EIF3A: variants seen among roughly 807,000 people sequenced by gnomAD.
EIF3A encodes the protein eukaryotic translation initiation factor 3 subunit A, also known as EIF3, p180 subunit.
A neutral mutation model predicts 186.6 loss-of-function variants in EIF3A; 21 were observed. That is an observed-to-expected ratio of 0.11 (90% CI 0.08 to 0.16). The LOEUF (loss-of-function observed/expected upper bound fraction) is 0.16, where lower values mean the gene tolerates loss of function less well. Ranked by LOEUF, EIF3A falls within the 10% of genes least tolerant of loss-of-function variation. The probability of loss-of-function intolerance (pLI) is 1.00; values close to 1 mark genes in which losing one functional copy is unlikely to be tolerated. For synonymous variants in EIF3A, 563 were observed against 584.3 expected, an observed-to-expected ratio of 0.96 and a Z score of 0.52; for missense variants, 1,306 against 1,796.3, an observed-to-expected ratio of 0.73 and a Z score of 4.93.
At chr10:119,038,470 A>C in intron 19 of EIF3A, 31 bp from the exon 20 acceptor site, 2 of 1,548,200 alleles carry the variant, frequency 1.3e-6, no homozygotes, top group South Asian at 1.2e-5. Flanking sequence ...AACATTTTTA[A>C]AATATTTTTA....
At chr10:119,038,137 G>C (rs940505661) in intron 20 of EIF3A, 101 bp downstream of exon 20, 1 of 1,027,284 alleles carries the variant, frequency 9.7e-7, no homozygotes, top group African/African-American at 1.6e-5. Flanking sequence ...GGCTGCTCTC[G>C]AACTCCTGAA....
At chr10:119,075,485 G>A (rs1341335163) in intron 1 of EIF3A, among the ~76,000 whole-genome samples, 2 of 150,974 alleles carry the variant, frequency 1.3e-5, no homozygotes, top group South Asian at 2.1e-4. Context: ...GGGGGAGAAA[G>A]AGGTTATTTA....
chr10:119,060,030 G>A lies in EIF3A; in HGVS notation c.1327-312C>T, dbSNP rs762182031. 6 of 516,904 alleles carry A rather than the reference G, an allele frequency of 1.2e-5. No individual in the cohort carries two copies. The African/African-American group carries it at 1.2e-4, about 10-fold the overall frequency. 32.0% of individuals were successfully genotyped at this position (516,904 alleles called of 1,614,324 possible). On this transcript the variant is annotated intron_variant, in intron 9 of 21. Transcript: ENST00000369144. ...TAGAATTTTTGTCTGAAGGAGACTG[G>A]CAGCATTACTATTTATAGTTATACT...
At chr10:119,067,347 C>T (rs546723692) in intron 6 of EIF3A, among the ~76,000 whole-genome samples, 7 of 152,168 alleles carry the variant, frequency 4.6e-5, no homozygotes, top group East Asian at 1.9e-4. Context: ...CCAACACACT[C>T]GGAGCCTGAG....
intron 17 of EIF3A, among the ~76,000 whole-genome samples, chr10:119,046,563 A>C (rs563929600): frequency 4.6e-5 from 7 of 152,266 alleles, no homozygotes; most frequent in Admixed American, 3.3e-4. Context: ...AGTCCACTGC[A>C]ATAAAATATA....
chr10:119,073,313 G>T, intron 3 of EIF3A, 128 bp downstream of exon 3: 2 of 750,218 alleles, frequency 2.7e-6, no homozygotes, highest in Non-Finnish European at 2.1e-6. Flanking sequence ...TGGTTACTAT[G>T]CATTTAAAAC....
At position 119,061,260 on chromosome 10, in the gene EIF3A, T is replaced by C. The variant is rs201067019; in HGVS notation, c.1191A>G (p.Glu397=). The C allele has an allele frequency of 6.3e-7, 1 of 1,595,800 alleles. No individual in the cohort carries two copies. The highest frequency in any genetic ancestry group is 8.6e-7 in the Non-Finnish European group (1 of 1,167,950). The change falls in exon 8 of 22, where the codon GAA becomes GAG. Residue 397 remains glutamate (E), a synonymous_variant. Transcript: ENST00000369144. ...GCTCACAGAGTTTTAATGGGTTAAA[T>C]TCTACTTCAAGCCAATTGTAAAGGT... ...VKDLYNWLEV[E]FNPLKLCERV...
chr10:119,065,954 A>G (rs1327999190), intron 6 of EIF3A, among the ~76,000 whole-genome samples: 1 of 151,962 alleles, frequency 6.6e-6, no homozygotes, highest in Non-Finnish European at 1.5e-5. Flanking sequence ...ATCTCTACTA[A>G]AAATACAAAA....
chr10:119,060,940 A>G, intron 8 of EIF3A, 96 bp from the exon 9 acceptor site: 2 of 817,614 alleles, frequency 2.4e-6, no homozygotes, highest in Non-Finnish European at 3.9e-6. Flanking sequence ...CAAAAACATC[A>G]TCCAATGCAA....
At chr10:119,039,143 G>A (rs10787899) in intron 19 of EIF3A, among the ~76,000 whole-genome samples, 76,692 of 151,904 alleles carry the variant, frequency 0.5, 20,701 homozygotes, top group Middle Eastern at 0.67. Flanking sequence ...ACCTTGCAAC[G>A]TTTTCAAGCC....
At chr10:119,064,961 C>A (rs1843947860) in intron 7 of EIF3A, among the ~76,000 whole-genome samples, 2 of 152,282 alleles carry the variant, frequency 1.3e-5, no homozygotes, top group South Asian at 4.1e-4. Context: ...CCACCTACCT[C>A]AGCCTCCCAA....
chr10:119,076,937 C>A (rs75744208), intron 1 of EIF3A, among the ~76,000 whole-genome samples: 928 of 123,152 alleles, frequency 7.5e-3, no homozygotes, highest in Middle Eastern at 0.021. Context: ...GACTCTGTCT[C>A]AAAAAAAAAA....
chr10:119,041,888 A>C, intron 19 of EIF3A, 106 bp downstream of exon 19: 1 of 1,244,806 alleles, frequency 8.0e-7, no homozygotes, highest in South Asian at 1.5e-5. Context: ...GGAAAGATGA[A>C]AGACCAGTTT....
intron 1 of EIF3A, among the ~76,000 whole-genome samples, chr10:119,075,711 CTTTTTTTTTT>C (rs58392465): frequency 2.0e-4 from 13 of 65,294 alleles, no homozygotes; most frequent in South Asian, 7.3e-4. Context: ...TGGAAAAAGA[CTTTTTTTTTT>C]TTTTTTTTTT....
At chr10:119,072,024 C>CAAAAAAAAAAAAAAAA (rs56100757) in intron 4 of EIF3A, among the ~76,000 whole-genome samples, 11 of 59,448 alleles carry the variant, frequency 1.9e-4, no homozygotes, top group African/African-American at 2.4e-4. Flanking sequence ...GACTCTGTCT[C>CAAAAAAAAAAAAAAAA]AAAAAAAAAA....
intron 8 of EIF3A, 41 bp from the exon 9 acceptor site, chr10:119,060,885 C>T (rs553328918): frequency 1.5e-6 from 2 of 1,322,492 alleles, no homozygotes; most frequent in East Asian, 2.3e-5. Context: ...ACACTTTCTA[C>T]ATAAGAGATA....
chr10:119,073,824 A>G lies in EIF3A; in HGVS notation c.163T>C (p.Leu55=). Residue 55 remains leucine, a synonymous_variant, in exon 2 of 22, where the codon TTG becomes CTG. Transcript: ENST00000369144. The stretch of plus-strand genomic sequence containing the variant: ...TTGCGAAGATCCACGCAAAGTTCCA[A>G]GTATTTCAACATAATTGGTTCGTGT... ...KIHEPIMLKY[L]ELCVDLRKSH... The G allele has an allele frequency of 1.2e-6, 2 of 1,614,038 alleles. No homozygotes were observed. Among genetic ancestry groups the G allele is most frequent in the Non-Finnish European group, 1.7e-6 (2 of 1,179,962 alleles).
chr10:119,076,204 A>T (rs1844170001), intron 1 of EIF3A, among the ~76,000 whole-genome samples: 1 of 151,220 alleles, frequency 6.6e-6, no homozygotes, highest in Admixed American at 6.6e-5. Context: ...ATGGTGATGC[A>T]CGCCCGTAAT....
rs968958975 is a variant in EIF3A, at chr10:119,072,872, T to G, written c.541+18A>C. ...CAATTTCAAAGCACTTCACTCAGATTTGATCTTCTCATCTTACCTTGCTGG... is the reference window on the plus strand; with the variant it reads ...CAATTTCAAAGCACTTCACTCAGATGTGATCTTCTCATCTTACCTTGCTGG... On this transcript the variant is annotated intron_variant, in intron 4 of 21. Coordinates refer to ENST00000369144, the MANE Select transcript of EIF3A (RefSeq NM_003750.4). The G allele has an allele frequency of 4.4e-6, 7 of 1,596,136 alleles. No homozygotes were observed. In the African/African-American group the frequency reaches 9.5e-5, roughly 22 times the overall value.
Sources: allele counts gnomAD v4.1 joint callset (sites outside exome capture counted in the v4.1 genomes callset), GRCh38; gene constraint gnomAD v4.1.1; transcripts MANE v1.5; gene names NCBI Gene and HGNC (gene_info 2026-07-23, HGNC 2026-07-21).